The following NOP14 variants were observed in gnomAD, a reference collection of about 807,000 sequenced individuals.
NOP14 encodes nucleolar protein 14.
Under a neutral mutation model 101.6 loss-of-function variants are expected in NOP14, and 57 were observed. The ratio of observed to expected loss-of-function variants is 0.56; its 90% CI spans 0.45 to 0.70. NOP14 has a LOEUF of 0.70. Ranked by LOEUF, NOP14 falls within the 30% of genes least tolerant of loss-of-function variation. NOP14 has a pLI of 0.00. For synonymous variants in NOP14, 428 were observed against 424.0 expected, an observed-to-expected ratio of 1.01 and a Z score of -0.12; for missense variants, 1,134 against 1,075.5, an observed-to-expected ratio of 1.05 and a Z score of -0.76.
chr4:2,944,131 C>G lies in NOP14; in HGVS notation c.1833G>C (p.Glu611Asp). ...YVALSQRFIP[E>D]LINFLLGILY... is the part of the protein sequence containing the mutation. ...GAATCCCAAGAAGAAAATTAATAAG[C>G]TCAGGTATAAACCTCTGGGACAAAG... The change falls in exon 13 of 18, where the codon GAG becomes GAC. Residue 611 changes from glutamate (E) to aspartate (D), a missense_variant. Glu to Asp is a conservative substitution (Grantham distance 45). Transcript: ENST00000416614. The G allele has an allele frequency of 6.2e-7, 1 of 1,613,862 alleles. No individual in the cohort carries two copies. Among genetic ancestry groups the G allele is most frequent in the Non-Finnish European group, 8.5e-7 (1 of 1,179,862 alleles).
At chr4:2,960,846 CA>C (rs1715747516) in intron 1 of NOP14, among the ~76,000 whole-genome samples, 1 of 72,626 alleles carries the variant, frequency 1.4e-5, no homozygotes, top group South Asian at 3.0e-4. Context: ...ATATTATAAT[CA>C]CATTATCAAT....
At position 2,963,220 on chromosome 4, in the gene NOP14, C is replaced by T. The variant is rs1451644629; in HGVS notation, c.100G>A (p.Val34Met). Reference sequence around the variant, plus strand: ...TGGAACTTCTGCCTGTTAACTTTCACCTCGAACGGATTGGAGTTGGCCTTC... The same window carrying T: ...TGGAACTTCTGCCTGTTAACTTTCATCTCGAACGGATTGGAGTTGGCCTTC... ...PAKANSNPFE[V>M]KVNRQKFQIL... Residue 34 changes from valine (V) to methionine (M), a missense_variant, in exon 1 of 18, where the codon GTG becomes ATG. Physicochemically the swap from Val to Met is conservative, Grantham distance 21 (BLOSUM62 1). Transcript: ENST00000416614. 1.9e-6 allele frequency: 3 copies of T among 1,590,824 alleles called. No homozygotes were observed. In the South Asian group the frequency reaches 3.4e-5, roughly 18 times the overall value.
rs1275199763 is a variant in NOP14, at chr4:2,938,246, T to G, written c.*585A>C. 1 of 1,288,632 alleles carries G rather than the reference T, an allele frequency of 7.8e-7. No homozygotes were observed. The highest frequency in any genetic ancestry group is 1.2e-5 in the South Asian group (1 of 80,974). The allele number at this position is 1,288,632 out of a possible 1,614,324, so 79.8% of individuals were successfully genotyped here. On this transcript the variant is annotated 3_prime_UTR_variant, in exon 18 of 18. Coordinates refer to ENST00000416614, the MANE Select transcript of NOP14 (RefSeq NM_001291978.2). ...TTATTACTCTAAAAAAAATTACTTT[T>G]TTGGCTGGGTGCTGTGGCTCACACC...
chr4:2,943,078 A>C (rs1242169703), intron 13 of NOP14, among the ~76,000 whole-genome samples: 1 of 152,198 alleles, frequency 6.6e-6, no homozygotes, highest in Admixed American at 6.5e-5. Flanking sequence ...GACTGCAGCT[A>C]TCTACAGGTG....
At chr4:2,946,683 G>T in intron 10 of NOP14, 136 bp from the exon 11 acceptor site, 1 of 722,918 alleles carries the variant, frequency 1.4e-6, no homozygotes, top group Non-Finnish European at 2.3e-6. Context: ...TTTTCTAACA[G>T]CATTCTTAAG....
At chr4:2,954,074 G>A (rs1482511727) in intron 4 of NOP14, among the ~76,000 whole-genome samples, 3 of 152,068 alleles carry the variant, frequency 2.0e-5, no homozygotes, top group Non-Finnish European at 2.9e-5. Flanking sequence ...GCATGGTGGC[G>A]CCCACTAGCT....
intron 14 of NOP14, 64 bp from the exon 15 acceptor site, chr4:2,941,793 C>A: frequency 6.5e-7 from 1 of 1,543,430 alleles, no homozygotes; most frequent in Non-Finnish European, 8.8e-7. Flanking sequence ...AAACCAATAA[C>A]GTGGCAAAAA....
At chr4:2,963,102 C>T (rs756716612) in intron 1 of NOP14, 23 bp downstream of exon 1, 4 of 1,518,594 alleles carry the variant, frequency 2.6e-6, no homozygotes, top group Non-Finnish European at 3.5e-6. Context: ...TGCCTTCCGG[C>T]TCCCCGTGCG....
chr4:2,938,440 A>T lies in NOP14; in HGVS notation c.*391T>A. The T allele has an allele frequency of 2.9e-6, 1 of 349,214 alleles. No individual in the cohort carries two copies. The highest frequency in any genetic ancestry group is 2.2e-5 in the South Asian group (1 of 46,046). 21.6% of individuals were successfully genotyped at this position (349,214 alleles called of 1,614,324 possible). On this transcript the variant is annotated 3_prime_UTR_variant, in exon 18 of 18. Transcript: ENST00000416614. ...GAGGCTGAGGCAGGAGAATCGCTTG[A>T]ACCCAGGAGGTGGAGGTTGTGCCAT...
At chr4:2,961,152 A>C (rs55886035) in intron 1 of NOP14, among the ~76,000 whole-genome samples, 3 of 67,788 alleles carry the variant, frequency 4.4e-5, no homozygotes, top group Non-Finnish European at 7.7e-5. Context: ...TACTAATATA[A>C]TAATATATTA....
intron 7 of NOP14, 135 bp from the exon 8 acceptor site, chr4:2,950,348 T>C (rs1424391858): frequency 1.1e-6 from 1 of 923,532 alleles, no homozygotes; most frequent in African/African-American, 1.6e-5. Context: ...GTGTGCTCCA[T>C]TTGCCCACTG....
At chr4:2,940,636 G>C (rs772175778) in intron 15 of NOP14, 2 of 152,340 alleles carry the variant, frequency 1.3e-5, no homozygotes, top group Non-Finnish European at 2.9e-5. Flanking sequence ...TGGCCGGAAC[G>C]AGCCGAGTTG....
intron 1 of NOP14, among the ~76,000 whole-genome samples, chr4:2,959,971 CTTT>C (rs140387036): frequency 1.4e-5 from 2 of 145,612 alleles, no homozygotes; most frequent in Non-Finnish European, 1.5e-5. Context: ...ACACTGAGAC[CTTT>C]TTTTTTTTTT....
rs1330664008 is a variant in NOP14 at position 2,950,079 on chromosome 4, G to C, written c.1137C>G (p.His379Gln). The change falls in exon 8 of 18, where the codon CAC becomes CAG. Residue 379 changes from histidine to glutamine, a missense_variant. Transcript: ENST00000416614. Reference sequence around the variant, plus strand: ...TCTCCACGTTGGATTCCAGGTCCAAGTGGCTATCTGGGCTGTCGCTCTCCT... The same window carrying C: ...TCTCCACGTTGGATTCCAGGTCCAACTGGCTATCTGGGCTGTCGCTCTCCT... ...DTEESDSPDS[H>Q]LDLESNVESE... 1.9e-6 allele frequency: 3 copies of C among 1,614,110 alleles called. No individual in the cohort carries two copies. Among genetic ancestry groups the C allele is most frequent in the South Asian group, 2.2e-5 (2 of 91,076 alleles).
chr4:2,961,202 A>ACTAATATT (rs1553864838), intron 1 of NOP14, among the ~76,000 whole-genome samples: 1 of 102,116 alleles, frequency 9.8e-6, no homozygotes, highest in South Asian at 2.6e-4. Flanking sequence ...CTAATATTAT[A>ACTAATATT]ATAATATATT....
At chr4:2,961,266 GTTA>G in intron 1 of NOP14, 2 of 85,952 alleles carry the variant, frequency 2.3e-5, no homozygotes, top group African/African-American at 7.5e-5. Flanking sequence ...TAATAATATA[GTTA>G]GTATATTAAT....
At position 2,949,941 on chromosome 4, in the gene NOP14, C is replaced by A. The variant is rs371382151; in HGVS notation, c.1275G>T (p.Thr425=). 1 of 1,614,008 alleles carries A rather than the reference C, an allele frequency of 6.2e-7. No individual in the cohort carries two copies. Among genetic ancestry groups the A allele is most frequent in the African/African-American group, 1.3e-5 (1 of 74,912 alleles). Residue 425 remains threonine (T), a synonymous_variant, in exon 8 of 18, where the codon ACG becomes ACT. Transcript: ENST00000416614. ...ACCCGCGCACTTGCCCACCTGCGAA[C>A]GTGTAGGGCAGCTCGTCTCTGGTAG... ...GKATRDELPY[T]FAAPESYEEL...
At chr4:2,941,450 A>G (rs1032929698) in intron 15 of NOP14, 132 bp downstream of exon 15, 3 of 789,488 alleles carry the variant, frequency 3.8e-6, no homozygotes, top group South Asian at 1.8e-5. Flanking sequence ...ACTTCCCTTC[A>G]TATTTGTGAT....
chr4:2,963,228 G>C lies in NOP14; in HGVS notation c.92C>G (p.Pro31Arg), dbSNP rs1485632540. ...CTGCCTGTTAACTTTCACCTCGAACGGATTGGAGTTGGCCTTCGCCGGGCC... is the reference window on the plus strand; with the variant it reads ...CTGCCTGTTAACTTTCACCTCGAACCGATTGGAGTTGGCCTTCGCCGGGCC... The part of the protein sequence containing the change: ...RGGPAKANSN[P>R]FEVKVNRQKF... Residue 31 changes from proline to arginine, a missense_variant, in exon 1 of 18, where the codon CCG (proline) becomes CGG (arginine). Coordinates refer to ENST00000416614, the MANE Select transcript of NOP14 (RefSeq NM_001291978.2). The C allele has an allele frequency of 6.3e-7, 1 of 1,587,672 alleles. No homozygotes were observed. The highest frequency in any genetic ancestry group is 1.4e-5 in the African/African-American group (1 of 71,660).
Sources: gnomAD v4.1 joint callset for allele counts (sites outside exome capture counted in the v4.1 genomes callset) on GRCh38, gnomAD v4.1.1 for gene constraint, MANE v1.5 for transcripts, NCBI Gene and HGNC (gene_info 2026-07-23, HGNC 2026-07-21) for gene names.